Variants in CTNND2 observed in about 807,000 individuals in gnomAD.
The protein encoded by CTNND2 is catenin delta-2.
Under a neutral mutation model 144.4 loss-of-function variants are expected in CTNND2, and 22 were observed. The ratio of observed to expected loss-of-function variants is 0.15; its 90% CI spans 0.11 to 0.22. CTNND2 has a LOEUF of 0.22. CTNND2 is among the 10% of genes least tolerant of loss of function. CTNND2 has a pLI of 1.00. For synonymous variants in CTNND2, 751 were observed against 695.6 expected, an observed-to-expected ratio of 1.08 and a Z score of -1.25; for missense variants, 1,353 against 1,618.8, an observed-to-expected ratio of 0.84 and a Z score of 2.82.
chr5:11,018,274 C>T (rs550264257), intron 17 of CTNND2, among the ~76,000 whole-genome samples: 34 of 152,246 alleles, frequency 2.2e-4, no homozygotes, highest in Non-Finnish European at 4.3e-4. Flanking sequence ...TTGTGTGTTC[C>T]GACTGCTCCA....
chr5:11,659,309 G>C (rs1228913987), intron 2 of CTNND2, among the ~76,000 whole-genome samples: 1 of 152,026 alleles, frequency 6.6e-6, no homozygotes, highest in Non-Finnish European at 1.5e-5. Flanking sequence ...TAAGAAACTT[G>C]GGCATCTGTG....
At chr5:11,443,339 T>TATGTCTGTGC (rs1764490067) in intron 3 of CTNND2, among the ~76,000 whole-genome samples, 1 of 72,162 alleles carries the variant, frequency 1.4e-5, no homozygotes, top group Non-Finnish European at 2.4e-5. Context: ...GTGGTGTGTG[T>TATGTCTGTGC]GGGGAGTGTG....
intron 1 of CTNND2, among the ~76,000 whole-genome samples, chr5:11,897,861 C>T (rs1164587539): frequency 6.6e-6 from 1 of 152,158 alleles, no homozygotes; most frequent in East Asian, 1.9e-4. Context: ...CAATGGGGAA[C>T]ACTTCTTCTC....
chr5:11,699,063 A>T (rs1456682664), intron 2 of CTNND2, among the ~76,000 whole-genome samples: 2 of 151,616 alleles, frequency 1.3e-5, no homozygotes, highest in Non-Finnish European at 2.9e-5. Flanking sequence ...CCACACACAC[A>T]TAGTTAGATT....
Position 11,484,627 on chromosome 5 carries a change from C to T in CTNND2, c.288-72558G>A, listed in dbSNP as rs192169445. On this transcript the variant is annotated intron_variant, in intron 3 of 21. Coordinates refer to ENST00000304623, the MANE Select transcript of CTNND2 (RefSeq NM_001332.4). ...TATATACCCAAGACAACTATATCTT[C>T]GCAGTTTACAATTAAAATGCTACAT... Among the ~76,000 whole-genome samples, 24 of 152,310 alleles carry T rather than the reference C, an allele frequency of 1.6e-4. No homozygotes were observed. The East Asian group carries it at 2.7e-3, about 17-fold the overall frequency.
chr5:11,449,763 T>C (rs948693555), intron 3 of CTNND2, among the ~76,000 whole-genome samples: 2 of 152,266 alleles, frequency 1.3e-5, no homozygotes, highest in Non-Finnish European at 2.9e-5. Flanking sequence ...ATAATCTGTC[T>C]CCTTAACTAG....
At chr5:11,584,845 T>A (rs775001850) in intron 2 of CTNND2, among the ~76,000 whole-genome samples, 2 of 152,216 alleles carry the variant, frequency 1.3e-5, no homozygotes, top group Non-Finnish European at 2.9e-5. Flanking sequence ...TCAGAGCTAC[T>A]GACTGAATAT....
intron 11 of CTNND2, among the ~76,000 whole-genome samples, chr5:11,162,799 T>A (rs1354751043): frequency 6.6e-6 from 1 of 151,706 alleles, no homozygotes; most frequent in Non-Finnish European, 1.5e-5. Flanking sequence ...GAAGCAGCAG[T>A]TTCTGGAGAC....
At chr5:11,068,016 T>C (rs990598685) in intron 16 of CTNND2, among the ~76,000 whole-genome samples, 2 of 152,184 alleles carry the variant, frequency 1.3e-5, no homozygotes, top group African/African-American at 4.8e-5. Flanking sequence ...GAAGCAACTA[T>C]CCATTACATA....
At chr5:11,858,738 G>A (rs1795363713) in intron 1 of CTNND2, among the ~76,000 whole-genome samples, 1 of 152,142 alleles carries the variant, frequency 6.6e-6, no homozygotes, top group South Asian at 2.1e-4. Flanking sequence ...GACCATCCTG[G>A]CTAACACGGT....
chr5:11,575,078 C>A (rs942110404), intron 2 of CTNND2, among the ~76,000 whole-genome samples: 1 of 152,158 alleles, frequency 6.6e-6, no homozygotes, highest in Non-Finnish European at 1.5e-5. Context: ...TCTGACCTCA[C>A]CCTCAATCTC....
Position 11,236,750 on chromosome 5 carries a change from A to T in CTNND2, c.1702T>A (p.Ser568Thr), listed in dbSNP as rs1433311492. 6.2e-7 allele frequency: 1 copy of T among 1,614,164 alleles called. No homozygotes were observed. The highest frequency in any genetic ancestry group is 2.2e-5 in the East Asian group (1 of 44,868). ...TGTTGCAAGTAGGCTGCCGCGTTAG[A>T]CTGGACCGAGGGAAACTGGTGCTGC... Reference protein sequence around the residue: ...MLQHQFPSVQSNAAAYLQHLC... With the variant: ...MLQHQFPSVQTNAAAYLQHLC... The change falls in exon 10 of 22, where the codon TCT becomes ACT. Residue 568 changes from serine (S) to threonine (T), a missense_variant. By Grantham distance (58) the Ser-to-Thr change is moderately conservative (BLOSUM62 1). Around this residue, in one of 4 missense-constraint regions of CTNND2, gnomAD observed 69 missense variants for 120.3 expected, o/e 0.57. Transcript: ENST00000304623.
intron 11 of CTNND2, among the ~76,000 whole-genome samples, chr5:11,188,216 T>C (rs567185775): frequency 6.6e-6 from 1 of 152,266 alleles, no homozygotes. Context: ...TGCCCATCAG[T>C]GATAGACTGG....
At chr5:11,111,165 A>T in intron 13 of CTNND2, 122 bp from the exon 14 acceptor site, 4 of 1,006,238 alleles carry the variant, frequency 4.0e-6, no homozygotes, top group Non-Finnish European at 4.3e-6. Flanking sequence ...TTTAGCTGCC[A>T]GCTTCTGAAA....
intron 11 of CTNND2, among the ~76,000 whole-genome samples, chr5:11,178,667 T>C (rs1760712639): frequency 6.6e-6 from 1 of 152,208 alleles, no homozygotes; most frequent in Non-Finnish European, 1.5e-5. Context: ...CAGTAGAGCC[T>C]AGCAGAATTT....
At chr5:11,186,454 G>A (rs908785190) in intron 11 of CTNND2, among the ~76,000 whole-genome samples, 4 of 152,172 alleles carry the variant, frequency 2.6e-5, no homozygotes, top group Admixed American at 2.6e-4. Flanking sequence ...TCTCTCACTT[G>A]AGGAAGCACA....
At chr5:11,459,887 T>C (rs74376046) in intron 3 of CTNND2, among the ~76,000 whole-genome samples, 2,704 of 152,280 alleles carry the variant, frequency 0.018, 77 homozygotes, top group African/African-American at 0.06. Flanking sequence ...ATTCTTCACA[T>C]GTCTCACGAA....
intron 8 of CTNND2, among the ~76,000 whole-genome samples, chr5:11,353,054 TAC>T (rs1029327347): frequency 6.1e-5 from 9 of 147,748 alleles, no homozygotes; most frequent in Middle Eastern, 3.5e-3. Context: ...AAGAGGATGA[TAC>T]ACAGTCTTTT....
chr5:11,675,155 C>T (rs1784108701), intron 2 of CTNND2, among the ~76,000 whole-genome samples: 1 of 152,060 alleles, frequency 6.6e-6, no homozygotes, highest in Non-Finnish European at 1.5e-5. Context: ...AAAATTTAAA[C>T]ATTTACTCAA....
Sources: allele counts gnomAD v4.1 joint callset (sites outside exome capture counted in the v4.1 genomes callset), GRCh38; gene constraint gnomAD v4.1.1; regional missense constraint gnomAD v4.1.1; transcripts MANE v1.5; gene names NCBI Gene and HGNC (gene_info 2026-07-23, HGNC 2026-07-21).